The following SYTL3 variants were observed in gnomAD, a reference collection of about 807,000 sequenced individuals.
The protein encoded by SYTL3 is synaptotagmin-like protein 3.
SYTL3 carries 88 observed loss-of-function variants against 82.1 expected under a neutral mutation model. The ratio of observed to expected loss-of-function variants is 1.07; its 90% CI spans 0.90 to 1.28. The LOEUF (loss-of-function observed/expected upper bound fraction) is 1.28. Ranked by LOEUF, SYTL3 falls within the 50% of genes most tolerant of loss-of-function variation. The pLI is 0.00. For synonymous variants in SYTL3, 311 were observed against 289.4 expected, an observed-to-expected ratio of 1.07 and a Z score of -0.76; for missense variants, 831 against 757.6, an observed-to-expected ratio of 1.10 and a Z score of -1.14.
intron 12 of SYTL3, 41 bp from the exon 13 acceptor site, chr6:158,751,887 C>G: frequency 2.0e-6 from 3 of 1,467,498 alleles, no homozygotes; most frequent in Non-Finnish European, 2.8e-6. Context: ...CCACCCCTTT[C>G]CCTGAGTTCT....
At chr6:158,711,814 C>T (rs905449585) in intron 8 of SYTL3, among the ~76,000 whole-genome samples, 1 of 152,180 alleles carries the variant, frequency 6.6e-6, no homozygotes, top group Non-Finnish European at 1.5e-5. Context: ...TGTAAACTGT[C>T]ATGGCACTGG....
chr6:158,705,354 A>G (rs1487165759), intron 6 of SYTL3, among the ~76,000 whole-genome samples: 1 of 130,258 alleles, frequency 7.7e-6, no homozygotes, highest in African/African-American at 2.8e-5. Context: ...GTAAGGCCAC[A>G]TAGGGCAGGA....
intron 4 of SYTL3, 169 bp downstream of exon 4, chr6:158,663,547 A>T (rs1789624684): frequency 3.0e-6 from 3 of 985,056 alleles, no homozygotes; most frequent in Non-Finnish European, 3.6e-6. Flanking sequence ...GATCCTCCTT[A>T]TGTAACTAAA....
intron 13 of SYTL3, among the ~76,000 whole-genome samples, chr6:158,753,761 T>A (rs1470817304): frequency 6.6e-6 from 1 of 150,906 alleles, no homozygotes; most frequent in Non-Finnish European, 1.5e-5. Flanking sequence ...GTTATATAAT[T>A]GGAGTTAAAA....
At chr6:158,741,023 A>G (rs1786861471) in intron 11 of SYTL3, among the ~76,000 whole-genome samples, 1 of 152,188 alleles carries the variant, frequency 6.6e-6, no homozygotes, top group Non-Finnish European at 1.5e-5. Flanking sequence ...TCAAGTGAAT[A>G]TGGCAGATGA....
chr6:158,752,264 T>C (rs1388028619), intron 13 of SYTL3, among the ~76,000 whole-genome samples: 2 of 152,210 alleles, frequency 1.3e-5, no homozygotes, highest in Non-Finnish European at 2.9e-5. Flanking sequence ...TTTTGATTAA[T>C]GATTTCTGAG....
chr6:158,749,718 G>A (rs554878839), intron 12 of SYTL3, among the ~76,000 whole-genome samples: 3 of 151,904 alleles, frequency 2.0e-5, no homozygotes, highest in South Asian at 4.2e-4. Flanking sequence ...AAACTCCTGG[G>A]CTCATGCAAT....
At chr6:158,664,567 C>T (rs561387882) in intron 4 of SYTL3, among the ~76,000 whole-genome samples, 1 of 152,176 alleles carries the variant, frequency 6.6e-6, no homozygotes, top group Non-Finnish European at 1.5e-5. Context: ...AAAACGAAAA[C>T]AAAAACTATA....
At chr6:158,664,881 T>C (rs1659485371) in intron 4 of SYTL3, among the ~76,000 whole-genome samples, 1 of 149,564 alleles carries the variant, frequency 6.7e-6, no homozygotes, top group Non-Finnish European at 1.5e-5. Context: ...GCTATTTGTC[T>C]AGGGGAGTGG....
intron 2 of SYTL3, among the ~76,000 whole-genome samples, chr6:158,657,302 T>A (rs902223054): frequency 1.3e-5 from 2 of 151,430 alleles, no homozygotes; most frequent in Admixed American, 1.3e-4. Context: ...GGCGCGTGCC[T>A]GTAATCCCAG....
At chr6:158,659,396 C>T (rs576212172) in intron 2 of SYTL3, among the ~76,000 whole-genome samples, 2 of 152,248 alleles carry the variant, frequency 1.3e-5, no homozygotes, top group South Asian at 2.1e-4. Context: ...ACTCTTGTTG[C>T]CCAGGCTGGA....
At chr6:158,662,555 G>A (rs1300496285) in intron 3 of SYTL3, among the ~76,000 whole-genome samples, 195 bp from the exon 4 acceptor site, 3 of 152,164 alleles carry the variant, frequency 2.0e-5, no homozygotes, top group Non-Finnish European at 4.4e-5. Flanking sequence ...ATCCATATTA[G>A]GAAAATTCAA....
At chr6:158,649,009 G>A (rs977228570), upstream of SYTL3, among the ~76,000 whole-genome samples, 1 of 152,156 alleles carries the variant, frequency 6.6e-6, no homozygotes, top group Admixed American at 6.6e-5. Context: ...AGCTTCTTGG[G>A]TCCCTCTTCC....
intron 13 of SYTL3, among the ~76,000 whole-genome samples, chr6:158,756,802 G>C (rs1789170998): frequency 7.1e-6 from 1 of 140,796 alleles, no homozygotes; most frequent in African/African-American, 2.7e-5. Context: ...TGGGTGCAGT[G>C]TTTAGATGCA....
chr6:158,711,037 C>T (rs561290527), intron 8 of SYTL3, among the ~76,000 whole-genome samples: 2 of 152,286 alleles, frequency 1.3e-5, no homozygotes, highest in East Asian at 3.9e-4. Flanking sequence ...ACCTCGGGCT[C>T]CCAAAGCGCT....
chr6:158,725,203 G>A (rs1784555884), intron 10 of SYTL3, among the ~76,000 whole-genome samples: 1 of 152,094 alleles, frequency 6.6e-6, no homozygotes, highest in South Asian at 2.1e-4. Flanking sequence ...GCTAAAATTT[G>A]GACTTAAGAC....
intron 6 of SYTL3, among the ~76,000 whole-genome samples, chr6:158,703,721 C>T (rs910953885): frequency 6.6e-6 from 1 of 152,006 alleles, no homozygotes; most frequent in Non-Finnish European, 1.5e-5. Context: ...GAGCAACAGC[C>T]CACAACTGGG....
chr6:158,696,285 T>G (rs1780546303), intron 6 of SYTL3, among the ~76,000 whole-genome samples: 1 of 152,056 alleles, frequency 6.6e-6, no homozygotes, highest in Admixed American at 6.6e-5. Flanking sequence ...CTGCAATTTC[T>G]GCCTCCAGGG....
intron 6 of SYTL3, among the ~76,000 whole-genome samples, chr6:158,704,581 C>A (rs1010590435): frequency 1.6e-4 from 25 of 152,198 alleles, no homozygotes; most frequent in Non-Finnish European, 3.1e-4. Flanking sequence ...ACCGGGTAGG[C>A]AGGGCAATAA....
Sources: allele counts gnomAD v4.1 joint callset (sites outside exome capture counted in the v4.1 genomes callset), GRCh38; gene constraint gnomAD v4.1.1; transcripts MANE v1.5; gene names NCBI Gene and HGNC (gene_info 2026-07-23, HGNC 2026-07-21).